Variants in PPP4R3B observed in about 807,000 individuals in gnomAD.
The protein encoded by PPP4R3B is protein phosphatase 4 regulatory subunit 3B, also known as serine/threonine-protein phosphatase 4 regulatory subunit 3B.
A neutral mutation model predicts 95.4 loss-of-function variants in PPP4R3B; 52 were observed. The ratio of observed to expected loss-of-function variants is 0.54; its 90% confidence interval spans 0.44 to 0.69. The LOEUF (loss-of-function observed/expected upper bound fraction) is 0.69. Ranked by LOEUF, PPP4R3B falls within the 30% of genes least tolerant of loss-of-function variation. The pLI is 0.00. For synonymous variants in PPP4R3B, 407 were observed against 343.9 expected (o/e 1.18, Z -2.03); for missense variants, 1,003 against 1,005.9 (o/e 1.00, Z 0.04).
At chr2:55,580,390 A>AC (rs1689293035) in intron 8 of PPP4R3B, among the ~76,000 whole-genome samples, 1 of 152,188 alleles carries the variant, frequency 6.6e-6, no homozygotes, top group African/African-American at 2.4e-5. Flanking sequence ...CCAAGAAAGT[A>AC]ACAAAGAAAG....
At chr2:55,602,355 G>A (rs1303368860) in intron 3 of PPP4R3B, among the ~76,000 whole-genome samples, 2 of 152,184 alleles carry the variant, frequency 1.3e-5, no homozygotes, top group African/African-American at 4.8e-5. Flanking sequence ...GTAAAGGACT[G>A]ACCTTGCCAA....
intron 13 of PPP4R3B, among the ~76,000 whole-genome samples, chr2:55,566,275 A>G (rs919914785): frequency 6.6e-6 from 1 of 152,202 alleles, no homozygotes; most frequent in African/African-American, 2.4e-5. Flanking sequence ...TAATGGCTCT[A>G]TGTTATATGT....
intron 16 of PPP4R3B, among the ~76,000 whole-genome samples, chr2:55,550,660 T>C (rs1346907389): frequency 6.6e-6 from 1 of 152,168 alleles, no homozygotes; most frequent in African/African-American, 2.4e-5. Context: ...CAGGGTTTCA[T>C]TCATTTTGAG....
chr2:55,613,599 T>C (rs1694494951), intron 2 of PPP4R3B, among the ~76,000 whole-genome samples: 1 of 152,166 alleles, frequency 6.6e-6, no homozygotes, highest in African/African-American at 2.4e-5. Flanking sequence ...AGAATCACTA[T>C]GTATTTTTAA....
chr2:55,578,798 T>C (rs903187178), intron 9 of PPP4R3B, among the ~76,000 whole-genome samples: 1 of 152,078 alleles, frequency 6.6e-6, no homozygotes, highest in Non-Finnish European at 1.5e-5. Flanking sequence ...AACTTCCTTT[T>C]AAGTGACTCT....
chr2:55,576,381 C>T (rs1024079528), intron 11 of PPP4R3B, among the ~76,000 whole-genome samples: 2 of 149,632 alleles, frequency 1.3e-5, no homozygotes, highest in African/African-American at 4.9e-5. Context: ...TTTCTCAATT[C>T]CCAAATTTTA....
rs1458167451 is a variant in PPP4R3B, at chr2:55,617,181, G to A, written c.105C>T (p.Leu35=). 20 of 1,613,344 alleles carry A rather than the reference G, an allele frequency of 1.2e-5. No individual in the cohort carries two copies. The highest frequency in any genetic ancestry group is 1.7e-5 in the Non-Finnish European group (20 of 1,179,708). The change falls in exon 1 of 17, where the codon CTC becomes CTT. Residue 35 remains leucine, a synonymous_variant. Coordinates refer to ENST00000616407, the MANE Select transcript of PPP4R3B (RefSeq NM_001122964.3). ...GHVSSTYVEE[L]KGMSLLVRAE... ...CCCGAACCAGCAGCGACATCCCCTT[G>A]AGCTCCTCCACGTAAGTGGAGGAGA...
In PPP4R3B at chr2:55,565,039, T is replaced by C; in HGVS notation, c.1938A>G (p.Glu646=). The C allele has an allele frequency of 1.3e-6, 2 of 1,569,596 alleles. No homozygotes were observed. Among genetic ancestry groups the C allele is most frequent in the Non-Finnish European group, 1.7e-6 (2 of 1,162,382 alleles). The change falls in exon 14 of 17, where the codon GAA becomes GAG. Residue 646 remains glutamate, a splice_region_variant and synonymous_variant. Transcript: ENST00000616407. ...TATGGGCAGTAAGAGACTTGATATC[T>C]TCCTGTATAAGCACAAAATTTACAT... The part of the protein sequence containing the change: ...VIELFEFIRV[E]DIKSLTAHIV...
At chr2:55,614,586 A>G (rs1338903613) in intron 2 of PPP4R3B, 2 of 152,170 alleles carry the variant, frequency 1.3e-5, no homozygotes, top group Admixed American at 1.3e-4. Context: ...AAAGGTATAA[A>G]AGCATGTACA....
At chr2:55,598,301 G>A in intron 4 of PPP4R3B, 115 bp downstream of exon 4, 2 of 1,070,220 alleles carry the variant, frequency 1.9e-6, no homozygotes, top group Admixed American at 5.8e-5. Flanking sequence ...GTACTTAATA[G>A]TACATTTAAA....
chr2:55,598,975 CGTT>C lies in PPP4R3B; in HGVS notation c.359_361del (p.Glu120_Arg121delinsGly), dbSNP rs765143906. 1 of 1,614,072 alleles carries C rather than the reference CGTT, an allele frequency of 6.2e-7. No homozygotes were observed. Among genetic ancestry groups the C allele is most frequent in the Admixed American group, 1.7e-5 (1 of 60,012 alleles). ...ACTAGTTTCAGGCATTTCTTCAAATCGTTCTTCTTCAGATTCATCAATGAGGTC... is the reference window on the plus strand; with the variant it reads ...ACTAGTTTCAGGCATTTCTTCAAATCCTTCTTCAGATTCATCAATGAGGTC... On this transcript the variant is annotated inframe_deletion, in exon 4 of 17. Transcript: ENST00000616407.
At chr2:55,571,430 T>G (rs1163645253) in intron 12 of PPP4R3B, among the ~76,000 whole-genome samples, 1 of 152,016 alleles carries the variant, frequency 6.6e-6, no homozygotes, top group African/African-American at 2.4e-5. Flanking sequence ...ACATCAAACA[T>G]TCCAAAATTA....
intron 16 of PPP4R3B, among the ~76,000 whole-genome samples, chr2:55,557,476 G>A (rs1454661548): frequency 6.6e-6 from 1 of 152,122 alleles, no homozygotes; most frequent in Non-Finnish European, 1.5e-5. Flanking sequence ...ACTGTGCCCA[G>A]CCCAAACATT....
intron 16 of PPP4R3B, among the ~76,000 whole-genome samples, chr2:55,550,727 T>G (rs1685152857): frequency 1.3e-5 from 2 of 152,148 alleles, no homozygotes; most frequent in Admixed American, 1.3e-4. Flanking sequence ...AAACACTGTA[T>G]TTAGTTCAAA....
chr2:55,606,706 C>T (rs1693449384), intron 2 of PPP4R3B, among the ~76,000 whole-genome samples: 1 of 151,424 alleles, frequency 6.6e-6, no homozygotes, highest in African/African-American at 2.4e-5. Flanking sequence ...ACCTGTAATC[C>T]CAACTACTCG....
intron 13 of PPP4R3B, among the ~76,000 whole-genome samples, chr2:55,567,374 G>T (rs1181642468): frequency 6.6e-6 from 1 of 151,980 alleles, no homozygotes; most frequent in African/African-American, 2.4e-5. Context: ...TAAAATTCTA[G>T]GATTCCATCC....
At chr2:55,553,384 AAC>A (rs991270649) in intron 16 of PPP4R3B, among the ~76,000 whole-genome samples, 8 of 152,132 alleles carry the variant, frequency 5.3e-5, no homozygotes, top group African/African-American at 1.7e-4. Flanking sequence ...AACTACAAAC[AAC>A]TAACACCTCC....
intron 4 of PPP4R3B, among the ~76,000 whole-genome samples, chr2:55,594,091 A>T (rs1170616047): frequency 6.6e-6 from 1 of 152,204 alleles, no homozygotes; most frequent in African/African-American, 2.4e-5. Flanking sequence ...GTTCTCACTT[A>T]CAAGTGGGTA....
Position 55,610,244 on chromosome 2 carries a change from C to A in PPP4R3B, c.198+5207G>T, listed in dbSNP as rs558534874. 1.6e-4 allele frequency among the ~76,000 whole-genome samples: 25 copies of A among 152,276 alleles called. No individual in the cohort carries two copies. The South Asian group carries it at 2.7e-3, about 16-fold the overall frequency. ...TTCATTTTTTGTATCTGAATTATTG[C>A]AAAAGGTCTTGCTACTCAAAGATCT... On this transcript the variant is annotated intron_variant, in intron 2 of 16. Coordinates refer to ENST00000616407, the MANE Select transcript of PPP4R3B (RefSeq NM_001122964.3).
Sources: gnomAD v4.1 joint callset for allele counts (sites outside exome capture counted in the v4.1 genomes callset) on GRCh38, gnomAD v4.1.1 for gene constraint, MANE v1.5 for transcripts, NCBI Gene and HGNC (gene_info 2026-07-23, HGNC 2026-07-21) for gene names.